Variants in DRAM2 observed in about 807,000 individuals in gnomAD.
DRAM2 encodes DNA damage regulated autophagy modulator 2.
A neutral mutation model predicts 33.5 loss-of-function variants in DRAM2; 26 were observed. The observed-to-expected ratio is 0.78, with a 90% CI of 0.57 to 1.08. The LOEUF is 1.08. DRAM2 is among the 50% of genes least tolerant of loss of function. The probability of loss-of-function intolerance (pLI) is 0.00; values close to 1 mark genes in which losing one functional copy is unlikely to be tolerated. For missense variants in DRAM2, 311 were observed against 318.1 expected (o/e 0.98, Z 0.17); for synonymous variants, 98 against 109.5 (o/e 0.89, Z 0.66).
chr1:111,124,214 A>G (rs1650568063), intron 6 of DRAM2, among the ~76,000 whole-genome samples: 1 of 152,218 alleles, frequency 6.6e-6, no homozygotes. Context: ...AAGGTTGACC[A>G]CTACTTTAAC....
At chr1:111,127,328 G>T (rs1651207789) in intron 4 of DRAM2, among the ~76,000 whole-genome samples, 1 of 152,130 alleles carries the variant, frequency 6.6e-6, no homozygotes, top group African/African-American at 2.4e-5. Context: ...TAAAAAAGAA[G>T]TAGAAAGTTA....
intron 3 of DRAM2, among the ~76,000 whole-genome samples, chr1:111,135,259 T>C (rs1652935918): frequency 1.3e-5 from 2 of 152,312 alleles, no homozygotes; most frequent in East Asian, 3.9e-4. Flanking sequence ...TCAACTACCA[T>C]GGAATGGCAC....
At chr1:111,124,643 GA>G in intron 6 of DRAM2, 98 bp downstream of exon 6, 1 of 1,330,740 alleles carries the variant, frequency 7.5e-7, no homozygotes, top group Non-Finnish European at 1.0e-6. Context: ...CTAAGGTAAA[GA>G]AATAACAACA....
chr1:111,125,017 GAAAA>G, intron 5 of DRAM2, 136 bp from the exon 6 acceptor site: 1 of 606,220 alleles, frequency 1.6e-6, no homozygotes, highest in Non-Finnish European at 2.5e-6. Flanking sequence ...AGAATAAAAA[GAAAA>G]AAAAAAACAA....
At chr1:111,127,701 T>C (rs1571040651) in intron 4 of DRAM2, among the ~76,000 whole-genome samples, 1 of 152,192 alleles carries the variant, frequency 6.6e-6, no homozygotes, top group East Asian at 1.9e-4. Flanking sequence ...AAATGATACA[T>C]GTAAGTTAAC....
intron 1 of DRAM2, 29 bp from the exon 2 acceptor site, chr1:111,139,695 G>A (rs981902123): frequency 2.0e-5 from 3 of 152,410 alleles, no homozygotes; most frequent in African/African-American, 7.2e-5. Context: ...GCGAGAGACG[G>A]AACTCGGCAT....
chr1:111,129,896 A>G (rs1651724798), intron 4 of DRAM2, among the ~76,000 whole-genome samples: 1 of 152,212 alleles, frequency 6.6e-6, no homozygotes, highest in Non-Finnish European at 1.5e-5. Context: ...AAACTCTGGA[A>G]GGAAATCTAC....
Position 111,117,342 on chromosome 1 carries a change from A to G in DRAM2, c.*818T>C, listed in dbSNP as rs942010969. The G allele has an allele frequency of 2.0e-5, 3 of 152,104 alleles. No homozygotes were observed. The highest frequency in any genetic ancestry group is 4.4e-5 in the Non-Finnish European group (3 of 67,952). The allele number at this position is 152,104 out of a possible 1,614,324, so 9.4% of individuals were successfully genotyped here. ...TAAGAAGCTCTTGAGTATGGTTATG[A>G]CTTTTATTAATCATATCTGCTGTTA... On this transcript the variant is annotated 3_prime_UTR_variant, in exon 10 of 10. Transcript: ENST00000484310.
intron 3 of DRAM2, among the ~76,000 whole-genome samples, chr1:111,131,950 T>C (rs925332578): frequency 1.3e-5 from 2 of 152,224 alleles, no homozygotes; most frequent in African/African-American, 2.4e-5. Context: ...GTGAAATACA[T>C]ATGTATTTGG....
chr1:111,124,668 T>C (rs1282486356), intron 6 of DRAM2, 74 bp downstream of exon 6: 1 of 1,486,982 alleles, frequency 6.7e-7, no homozygotes, highest in Non-Finnish European at 9.2e-7. Context: ...TGTAACTGAA[T>C]GCTTCAGGTT....
intron 3 of DRAM2, among the ~76,000 whole-genome samples, chr1:111,135,828 C>T (rs1653041317): frequency 6.6e-6 from 1 of 152,208 alleles, no homozygotes; most frequent in Non-Finnish European, 1.5e-5. Context: ...CTAAGCATAG[C>T]AGAGGACCTT....
rs1192829934 is a variant in DRAM2 at position 111,118,103 on chromosome 1, GA to G, written c.*56del. ...TCAGAGAAGAATAAGCAACTTCTGT[GA>G]ACCTTTCCCCAATCCCTGAGAATCA... On this transcript the variant is annotated 3_prime_UTR_variant, in exon 10 of 10. Transcript: ENST00000484310. 6 of 1,548,166 alleles carry G rather than the reference GA, an allele frequency of 3.9e-6. No homozygotes were observed.
intron 4 of DRAM2, among the ~76,000 whole-genome samples, chr1:111,130,713 A>AG (rs1557896294): frequency 1.3e-5 from 2 of 149,092 alleles, no homozygotes; most frequent in Non-Finnish European, 3.0e-5. Context: ...AAAAAAAAAA[A>AG]GTTTGGGTGC....
intron 3 of DRAM2, among the ~76,000 whole-genome samples, chr1:111,134,942 G>A (rs1652867545): frequency 1.3e-5 from 2 of 152,194 alleles, no homozygotes; most frequent in South Asian, 4.1e-4. Context: ...TTTAGATCAT[G>A]TAGATATGTA....
At position 111,118,181 on chromosome 1, in the gene DRAM2, C is replaced by T. The variant is rs973923661; in HGVS notation, c.780G>A (p.Arg260=). The T allele has an allele frequency of 7.4e-6, 12 of 1,612,708 alleles. No individual in the cohort carries two copies. Among genetic ancestry groups the T allele is most frequent in the Non-Finnish European group, 1.0e-5 (12 of 1,178,992 alleles). The change falls in exon 10 of 10, where the codon CGG becomes CGA. Residue 260 remains arginine, a synonymous_variant. Transcript: ENST00000484310. ...TTCATCAAATATCTCTGGAAAGTAG[C>T]CGTGTTCGTTCATTGTTAATAGGGC... The part of the protein sequence containing the change: ...APCPINNERT[R]LLSRDI
At position 111,124,267 on chromosome 1, in the gene DRAM2, A is replaced by G. The variant is rs550741557; in HGVS notation, c.339+475T>C. Among the ~76,000 whole-genome samples the G allele has an allele frequency of 9.8e-5, 15 of 152,342 alleles. No individual in the cohort carries two copies. The South Asian group carries it at 3.1e-3, about 32-fold the overall frequency. On this transcript the variant is annotated intron_variant, in intron 6 of 9. Transcript: ENST00000484310. The stretch of plus-strand genomic sequence containing the variant: ...ATTTTTCCTGAGAAAAAGCTAGAAG[A>G]CCTACAGTTCTTCCTTTCATTTCCT...
rs118177396 is a variant in DRAM2, at chr1:111,132,563, A to G, written c.-14-995T>C. On this transcript the variant is annotated intron_variant, in intron 3 of 9. Transcript: ENST00000484310. ...GATACCATCAGAATTGAATTAGGGGATATCCAATTGGTGTCAGCTGGTGGA... is the reference window on the plus strand; with the variant it reads ...GATACCATCAGAATTGAATTAGGGGGTATCCAATTGGTGTCAGCTGGTGGA... Among the ~76,000 whole-genome samples, 16 of 152,254 alleles carry G rather than the reference A, an allele frequency of 1.1e-4. No individual in the cohort carries two copies. In the East Asian group the frequency reaches 2.7e-3, roughly 26 times the overall value.
rs1184301776 is a variant in DRAM2 at position 111,117,871 on chromosome 1, T to C, written c.*289A>G. 8.1e-6 allele frequency: 3 copies of C among 368,286 alleles called. No homozygotes were observed. The highest frequency in any genetic ancestry group is 1.5e-5 in the Non-Finnish European group (3 of 198,900). 22.8% of individuals were successfully genotyped at this position (368,286 alleles called of 1,614,324 possible). On this transcript the variant is annotated 3_prime_UTR_variant, in exon 10 of 10. Transcript: ENST00000484310. ...TGCAGACTGATTGGTGCACGTCAGG[T>C]TGTTTCTCTTAAATAAGGTATAAAA...
chr1:111,128,837 C>T lies in DRAM2; in HGVS notation c.132-2543G>A, dbSNP rs564514583. Among the ~76,000 whole-genome samples, 6 of 151,986 alleles carry T rather than the reference C, an allele frequency of 3.9e-5. No individual in the cohort carries two copies. The South Asian group carries it at 1.0e-3, about 26-fold the overall frequency. The stretch of plus-strand genomic sequence containing the variant: ...TGGCTGTATTAAAAGTTTTTCAAAA[C>T]GAAAGCAGACAAGTTCTCAGATGGA... On this transcript the variant is annotated intron_variant, in intron 4 of 9. Coordinates refer to ENST00000484310, the MANE Select transcript of DRAM2 (RefSeq NM_001349884.2).
Sources: allele counts gnomAD v4.1 joint callset (sites outside exome capture counted in the v4.1 genomes callset), GRCh38; gene constraint gnomAD v4.1.1; transcripts MANE v1.5; gene names NCBI Gene and HGNC (gene_info 2026-07-23, HGNC 2026-07-21).